Variants in C12orf42 observed in about 807,000 individuals in gnomAD.
The protein encoded by C12orf42 is uncharacterized protein C12orf42.
In C12orf42, 25 loss-of-function variants were observed where a neutral mutation model predicts 21.6. The observed-to-expected ratio is 1.16, with a 90% confidence interval of 0.84 to 1.62. C12orf42 has a LOEUF of 1.62. Among genes scored for constraint, C12orf42 ranks in the 40% most tolerant of loss-of-function variants. The pLI is 0.00. For synonymous variants in C12orf42, 174 were observed against 175.0 expected, an observed-to-expected ratio of 0.99 and a Z score of 0.05; for missense variants, 483 against 459.3, an observed-to-expected ratio of 1.05 and a Z score of -0.47.
chr12:103,456,572 A>T (rs188759775), intron 2 of C12orf42, among the ~76,000 whole-genome samples: 2 of 152,180 alleles, frequency 1.3e-5, no homozygotes, highest in Non-Finnish European at 2.9e-5. Flanking sequence ...ATTGTTTACC[A>T]TTCTTATTAT....
chr12:103,550,372 T>G, the C12orf42 span: 1 of 152,174 alleles, frequency 6.6e-6, no homozygotes, highest in South Asian at 2.1e-4. Context: ...CTTTCAATAT[T>G]TGTAGAGTAT....
the C12orf42 span, among the ~76,000 whole-genome samples, chr12:103,218,226 G>A: frequency 4.6e-5 from 7 of 151,176 alleles, no homozygotes; most frequent in Non-Finnish European, 1.0e-4. Flanking sequence ...GTTGCGGTGA[G>A]TGGAGATCTC....
At position 103,256,103 on chromosome 12, in the gene C12orf42, TATATATATACACACACACACACAC is replaced by T. The variant is rs1339013591; in HGVS notation, c.*1366+7199_*1366+7222del. The stretch of plus-strand genomic sequence containing the variant: ...AAAAAAAAATATATATATATATATA[TATATATATACACACACACACACAC>T]ACACACACACACACACACGTATATA... On this transcript the variant is annotated intron_variant and NMD_transcript_variant, in intron 10 of 10. Coordinates refer to the C12orf42 transcript ENST00000547347. Among the ~76,000 whole-genome samples the T allele has an allele frequency of 3.8e-4, 22 of 57,198 alleles. No individual in the cohort carries two copies. In the East Asian group the frequency reaches 0.016, roughly 42 times the overall value. The allele number at this position is 57,198 out of a possible 152,430, so 37.5% of individuals were successfully genotyped here. A position where few individuals can be genotyped will look rare whatever the true frequency, so the allele number is the denominator to read the frequency against.
chr12:103,223,592 G>C, the C12orf42 span, among the ~76,000 whole-genome samples: 1 of 152,184 alleles, frequency 6.6e-6, no homozygotes, highest in African/African-American at 2.4e-5. Flanking sequence ...GGTGGCTTGG[G>C]AAAACAGTGT....
At chr12:103,359,988 C>T (rs185338803) in intron 4 of C12orf42, among the ~76,000 whole-genome samples, 75 of 151,674 alleles carry the variant, frequency 4.9e-4, no homozygotes, top group African/African-American at 1.7e-3. Context: ...TAGTCATCCC[C>T]TTTCCCTTAC....
chr12:103,229,808 A>T, the C12orf42 span, among the ~76,000 whole-genome samples: 10 of 152,218 alleles, frequency 6.6e-5, no homozygotes, highest in Non-Finnish European at 1.3e-4. Context: ...GGATTCATAT[A>T]TGCTAATGCA....
chr12:103,380,772 G>A (rs1239565560), intron 3 of C12orf42, among the ~76,000 whole-genome samples: 1 of 152,174 alleles, frequency 6.6e-6, no homozygotes, highest in African/African-American at 2.4e-5. Context: ...ACCTGCTACA[G>A]ACCAGGCACT....
At chr12:103,291,318 C>G (rs1312673055) in intron 4 of C12orf42, among the ~76,000 whole-genome samples, 1 of 152,108 alleles carries the variant, frequency 6.6e-6, no homozygotes, top group African/African-American at 2.4e-5. Context: ...TAACAATACA[C>G]CATAGAAGTA....
At chr12:103,281,499 G>A (rs2036115314) in intron 4 of C12orf42, among the ~76,000 whole-genome samples, 1 of 151,796 alleles carries the variant, frequency 6.6e-6, no homozygotes, top group Non-Finnish European at 1.5e-5. Context: ...AGTAGCTACA[G>A]GCGCCCACCA....
the C12orf42 span, among the ~76,000 whole-genome samples, chr12:103,096,503 C>T: frequency 6.6e-6 from 1 of 152,204 alleles, no homozygotes; most frequent in African/African-American, 2.4e-5. Context: ...AATTTGAGCA[C>T]CTCTGGCCTT....
At chr12:103,164,162 G>A in the C12orf42 span, among the ~76,000 whole-genome samples, 2 of 152,200 alleles carry the variant, frequency 1.3e-5, no homozygotes, top group East Asian at 1.9e-4. Flanking sequence ...GAACACTAAT[G>A]TATGGTACTG....
At chr12:103,397,825 A>G (rs2047665218) in intron 3 of C12orf42, 2 of 152,206 alleles carry the variant, frequency 1.3e-5, no homozygotes, top group Admixed American at 1.3e-4. Context: ...GCATTTAGAT[A>G]GAAGGAATAC....
chr12:103,075,817 C>T, the C12orf42 span, among the ~76,000 whole-genome samples: 1 of 152,106 alleles, frequency 6.6e-6, no homozygotes, highest in South Asian at 2.1e-4. Context: ...TGAAAGGACA[C>T]TTCAGAACCA....
At chr12:103,413,842 A>G (rs1422058086) in intron 2 of C12orf42, among the ~76,000 whole-genome samples, 1 of 152,106 alleles carries the variant, frequency 6.6e-6, no homozygotes, top group Non-Finnish European at 1.5e-5. Context: ...GTAGTATTCC[A>G]TGGTGTGTGT....
the C12orf42 span, among the ~76,000 whole-genome samples, chr12:103,156,633 C>T: frequency 2.6e-5 from 4 of 152,154 alleles, no homozygotes; most frequent in South Asian, 2.1e-4. Flanking sequence ...CTCTCATCCC[C>T]GACCCCACAA....
the C12orf42 span, among the ~76,000 whole-genome samples, chr12:103,192,045 A>G: frequency 6.6e-6 from 1 of 152,182 alleles, no homozygotes; most frequent in African/African-American, 2.4e-5. Flanking sequence ...ATGATAAAGT[A>G]AGACAGCAGG....
intron 3 of C12orf42, among the ~76,000 whole-genome samples, chr12:103,388,494 C>T (rs2046810568): frequency 6.6e-6 from 1 of 152,170 alleles, no homozygotes; most frequent in Non-Finnish European, 1.5e-5. Flanking sequence ...CCAACCTCTT[C>T]TTTCTCTCCT....
chr12:103,150,516 A>G, the C12orf42 span, among the ~76,000 whole-genome samples: 2 of 152,250 alleles, frequency 1.3e-5, no homozygotes, highest in African/African-American at 4.8e-5. Flanking sequence ...CCATAATATA[A>G]TGAATCCTTA....
intron 10 of C12orf42, among the ~76,000 whole-genome samples, chr12:103,255,690 C>A (rs2034526396): frequency 6.6e-6 from 1 of 151,740 alleles, no homozygotes; most frequent in Non-Finnish European, 1.5e-5. Context: ...TTAAACTTGC[C>A]TAGTACATTT....
Sources: allele counts gnomAD v4.1 joint callset (sites outside exome capture counted in the v4.1 genomes callset), GRCh38; gene constraint gnomAD v4.1.1; transcripts MANE v1.5; gene names NCBI Gene and HGNC (gene_info 2026-07-23, HGNC 2026-07-21).